SLC28A1: variants seen among roughly 807,000 people sequenced by gnomAD.
SLC28A1 encodes sodium/nucleoside cotransporter 1.
SLC28A1 carries 64 observed loss-of-function variants against 74.8 expected under a neutral mutation model. The ratio of observed to expected loss-of-function variants is 0.86; its 90% CI spans 0.70 to 1.05. SLC28A1 has a LOEUF of 1.05. SLC28A1 is among the 50% of genes least tolerant of loss of function. The pLI, the probability that SLC28A1 is intolerant of heterozygous loss-of-function variation, is 0.00. For missense variants in SLC28A1, 828 were observed against 822.8 expected, an observed-to-expected ratio of 1.01 and a Z score of -0.08; for synonymous variants, 359 against 335.0, an observed-to-expected ratio of 1.07 and a Z score of -0.78.
At chr15:84,925,144 C>T (rs566431569) in intron 12 of SLC28A1, among the ~76,000 whole-genome samples, 1 of 133,962 alleles carries the variant, frequency 7.5e-6, no homozygotes, top group East Asian at 2.3e-4. Context: ...TGGTCTCGAT[C>T]TCCTGACCTT....
Position 84,894,982 on chromosome 15 carries a change from A to G in SLC28A1, c.320A>G (p.Gln107Arg). 1 of 1,614,060 alleles carries G rather than the reference A, an allele frequency of 6.2e-7. No homozygotes were observed. Among genetic ancestry groups the G allele is most frequent in the Non-Finnish European group, 8.5e-7 (1 of 1,180,012 alleles). The change falls in exon 6 of 19, where the codon CAG becomes CGG. Residue 107 changes from glutamine (Q) to arginine (R), a missense_variant. Around this residue, in one of 3 missense-constraint regions of SLC28A1, gnomAD observed 767 missense variants for 753.5 expected, o/e 1.02. Coordinates refer to ENST00000394573, the MANE Select transcript of SLC28A1 (RefSeq NM_004213.5). Reference protein sequence around the residue: ...FLLVACLLDFQRALALFVLTC... With the variant: ...FLLVACLLDFRRALALFVLTC... ...CTGGTGGCCTGCCTCCTGGATTTCC[A>G]GAGGGCCCTGGCTCTGTTTGTCCTC... is the stretch of plus-strand genomic sequence containing the variant.
chr15:84,964,467 G>A, the SLC28A1 span, among the ~76,000 whole-genome samples: 40 of 152,284 alleles, frequency 2.6e-4, no homozygotes, highest in African/African-American at 8.9e-4. Flanking sequence ...CTCTTTATTG[G>A]TTAGAATGAT....
rs116326425 is a variant in SLC28A1 at position 84,890,603 on chromosome 15, G to A, written c.277+69G>A. 3.8e-3 allele frequency: 4,802 copies of A among 1,268,818 alleles called. 131 individuals are homozygous for A. The African/African-American group carries it at 0.061, about 16-fold the overall frequency. The allele number at this position is 1,268,818 out of a possible 1,614,324, so 78.6% of individuals were successfully genotyped here. A position where few individuals can be genotyped will look rare whatever the true frequency, so the allele number is the denominator to read the frequency against. The stretch of plus-strand genomic sequence containing the variant: ...CCTCAGCTATCCATGTCTCAGGGCA[G>A]GGTCATTCACTCACCCAGTCATTCA... On this transcript the variant is annotated intron_variant, in intron 5 of 18. Transcript: ENST00000394573.
intron 6 of SLC28A1, 29 bp from the exon 7 acceptor site, chr15:84,904,068 G>T: frequency 6.2e-7 from 1 of 1,614,086 alleles, no homozygotes; most frequent in South Asian, 1.1e-5. Context: ...CAATGCTGAG[G>T]GTAATGGCTT....
intron 6 of SLC28A1, 118 bp from the exon 7 acceptor site, chr15:84,903,979 G>A (rs1966851399): frequency 2.2e-6 from 3 of 1,339,178 alleles, no homozygotes; most frequent in South Asian, 2.4e-5. Context: ...ACTCTGCTGT[G>A]CTGTTTCTCC....
intron 6 of SLC28A1, among the ~76,000 whole-genome samples, chr15:84,903,314 T>C (rs1966841605): frequency 1.3e-5 from 2 of 152,254 alleles, no homozygotes; most frequent in Admixed American, 1.3e-4. Context: ...TGCCACTTTC[T>C]AGATGAGTGG....
At chr15:84,968,181 T>G in the SLC28A1 span, among the ~76,000 whole-genome samples, 1 of 152,192 alleles carries the variant, frequency 6.6e-6, no homozygotes, top group African/African-American at 2.4e-5. Context: ...GAGGACTTGT[T>G]GTTTCCCATC....
At chr15:84,888,388 C>G (rs1232619570) in intron 3 of SLC28A1, among the ~76,000 whole-genome samples, 1 of 151,874 alleles carries the variant, frequency 6.6e-6, no homozygotes, top group Non-Finnish European at 1.5e-5. Context: ...CTGTCATATG[C>G]AAGAATACCC....
intron 12 of SLC28A1, chr15:84,926,440 C>A (rs1698770822): frequency 2.5e-6 from 1 of 403,380 alleles, no homozygotes; most frequent in Non-Finnish European, 4.9e-6. Context: ...TGGGCTCAAG[C>A]AATCCTCCTG....
In SLC28A1 at chr15:84,906,192, A is replaced by G. The variant is rs537414456; in HGVS notation, c.717+540A>G. On this transcript the variant is annotated intron_variant, in intron 8 of 18. Coordinates refer to ENST00000394573, the MANE Select transcript of SLC28A1 (RefSeq NM_004213.5). ...CCACCACCATGCCTGGCTAATGTTT[A>G]TATTTTTAGTACAGACAGGGTTTCA... Among the ~76,000 whole-genome samples, 25 of 151,962 alleles carry G rather than the reference A, an allele frequency of 1.6e-4. No homozygotes were observed. In the South Asian group the frequency reaches 5.2e-3, roughly 32 times the overall value.
chr15:84,885,731 CAAAA>C (rs34688568), intron 1 of SLC28A1, among the ~76,000 whole-genome samples: 1 of 104,370 alleles, frequency 9.6e-6, no homozygotes, highest in Non-Finnish European at 1.9e-5. Context: ...AACTCCGTCT[CAAAA>C]AAAAAAAAAA....
the SLC28A1 span, among the ~76,000 whole-genome samples, chr15:84,964,176 G>T: frequency 6.6e-6 from 1 of 152,096 alleles, no homozygotes; most frequent in Admixed American, 6.6e-5. Context: ...TGCTTCTGGG[G>T]GAAGGAAATG....
At chr15:84,970,731 C>T in the SLC28A1 span, among the ~76,000 whole-genome samples, 2 of 152,062 alleles carry the variant, frequency 1.3e-5, no homozygotes, top group Admixed American at 6.5e-5. Context: ...GGCACAATGG[C>T]TCACATCTAT....
chr15:84,951,879 C>T, the SLC28A1 span, among the ~76,000 whole-genome samples: 1 of 152,100 alleles, frequency 6.6e-6, no homozygotes, highest in African/African-American at 2.4e-5. Flanking sequence ...AGCCAGATGG[C>T]CAAACTGCAA....
intron 6 of SLC28A1, among the ~76,000 whole-genome samples, chr15:84,897,435 T>A (rs1269841734): frequency 6.6e-6 from 1 of 152,158 alleles, no homozygotes; most frequent in Non-Finnish European, 1.5e-5. Flanking sequence ...AATACACTTT[T>A]AAAAATTGCT....
Position 84,925,238 on chromosome 15 carries a change from C to T in SLC28A1, c.1083+1128C>T, listed in dbSNP as rs535265066. The stretch of plus-strand genomic sequence containing the variant: ...CTGGCCTGGTAATTGCTTTTAATAG[C>T]GTAGAACAGCTATTCTGAAAGTGGG... On this transcript the variant is annotated intron_variant, in intron 12 of 18. Coordinates refer to ENST00000394573, the MANE Select transcript of SLC28A1 (RefSeq NM_004213.5). Among the ~76,000 whole-genome samples the T allele has an allele frequency of 3.3e-5, 5 of 151,910 alleles. No homozygotes were observed. The South Asian group carries it at 6.3e-4, about 19-fold the overall frequency.
At chr15:84,915,923 C>G (rs1969012998) in intron 9 of SLC28A1, among the ~76,000 whole-genome samples, 1 of 150,348 alleles carries the variant, frequency 6.7e-6, no homozygotes, top group Admixed American at 6.7e-5. Flanking sequence ...CACCAGCCAC[C>G]TCAACCTGTT....
At chr15:84,928,584 T>C (rs796527429) in intron 12 of SLC28A1, among the ~76,000 whole-genome samples, 858 of 18,624 alleles carry the variant, frequency 0.046, 29 homozygotes, top group East Asian at 0.11. Flanking sequence ...CTTTCTTTCT[T>C]TCTTTCTTTC....
At chr15:84,913,364 C>T (rs1968618285) in intron 9 of SLC28A1, among the ~76,000 whole-genome samples, 1 of 144,300 alleles carries the variant, frequency 6.9e-6, no homozygotes, top group Non-Finnish European at 1.5e-5. Flanking sequence ...CAGCTTCCTC[C>T]AGGGAGAGGA....
Sources: allele counts gnomAD v4.1 joint callset (sites outside exome capture counted in the v4.1 genomes callset), GRCh38; gene constraint gnomAD v4.1.1; regional missense constraint gnomAD v4.1.1; transcripts MANE v1.5; gene names NCBI Gene and HGNC (gene_info 2026-07-23, HGNC 2026-07-21).